The following RAPGEF4 variants were observed in gnomAD, a reference collection of about 807,000 sequenced individuals.
The protein encoded by RAPGEF4 is Rap guanine nucleotide exchange factor 4, also known as RAP guanine-nucleotide-exchange factor (GEF) 4.
Under a neutral mutation model 147.9 loss-of-function variants are expected in RAPGEF4, and 66 were observed. That is an observed-to-expected ratio of 0.45 (90% CI 0.37 to 0.55). RAPGEF4 has a LOEUF of 0.55. RAPGEF4 is among the 20% of genes least tolerant of loss of function. The pLI, the probability that RAPGEF4 is intolerant of heterozygous loss-of-function variation, is 0.00. For synonymous variants in RAPGEF4, 419 were observed against 442.7 expected (o/e 0.95, Z 0.67); for missense variants, 1,071 against 1,257.3 (o/e 0.85, Z 2.24).
chr2:172,985,413 T>G lies in RAPGEF4; in HGVS notation c.1090-20T>G, dbSNP rs997147425. 6.2e-7 allele frequency: 1 copy of G among 1,613,888 alleles called. No individual in the cohort carries two copies. Among genetic ancestry groups the G allele is most frequent in the Non-Finnish European group, 8.5e-7 (1 of 1,179,948 alleles). ...ACCTGGAAATGTGGCCTTTGCATGT[T>G]TCTTCTGTTTTTCTTCTAGGTGAAA... On this transcript the variant is annotated intron_variant, in intron 11 of 30. Coordinates refer to ENST00000397081, the MANE Select transcript of RAPGEF4 (RefSeq NM_007023.4).
chr2:172,947,655 G>A (rs1687805999), intron 6 of RAPGEF4, among the ~76,000 whole-genome samples: 1 of 152,150 alleles, frequency 6.6e-6, no homozygotes. Context: ...ATATGAGTAA[G>A]TGCTACTCAA....
intron 1 of RAPGEF4, among the ~76,000 whole-genome samples, chr2:172,743,134 C>T (rs1559017338): frequency 6.6e-6 from 1 of 152,148 alleles, no homozygotes; most frequent in Non-Finnish European, 1.5e-5. Flanking sequence ...TGTGCATCCT[C>T]AACAGTGGTC....
chr2:172,967,184 C>T lies in RAPGEF4; in HGVS notation c.821-77C>T, dbSNP rs1407195375. On this transcript the variant is annotated intron_variant, in intron 9 of 30. Transcript: ENST00000397081. Reference sequence around the variant, plus strand: ...TGCCACTTGGCCCTCCTGCCTGACACTCTGCATTTGTTTCTAGTAAACGGA... The same window carrying T: ...TGCCACTTGGCCCTCCTGCCTGACATTCTGCATTTGTTTCTAGTAAACGGA... The T allele has an allele frequency of 7.0e-6, 10 of 1,437,466 alleles. No homozygotes were observed. In the East Asian group the frequency reaches 2.1e-4, roughly 30 times the overall value. 89.0% of individuals were successfully genotyped at this position (1,437,466 alleles called of 1,614,324 possible).
At chr2:172,814,148 T>C in intron 3 of RAPGEF4, 131 bp from the exon 4 acceptor site, 2 of 900,200 alleles carry the variant, frequency 2.2e-6, no homozygotes, top group Non-Finnish European at 3.4e-6. Flanking sequence ...TATATATTTG[T>C]CAAGACTTGT....
intron 1 of RAPGEF4, among the ~76,000 whole-genome samples, chr2:172,764,577 A>AGTCC (rs1696653944): frequency 6.6e-6 from 1 of 152,192 alleles, no homozygotes; most frequent in African/African-American, 2.4e-5. Flanking sequence ...GGTAGCAGTG[A>AGTCC]GTCCAGATCC....
chr2:172,812,324 A>G (rs947899255), intron 3 of RAPGEF4, among the ~76,000 whole-genome samples: 16 of 152,250 alleles, frequency 1.1e-4, no homozygotes, highest in African/African-American at 3.4e-4. Flanking sequence ...TTTTCCCCTT[A>G]CAGAGGTGGT....
intron 6 of RAPGEF4, among the ~76,000 whole-genome samples, chr2:172,947,259 G>A (rs1024229578): frequency 1.3e-5 from 2 of 152,200 alleles, no homozygotes; most frequent in African/African-American, 4.8e-5. Flanking sequence ...GGTACAGCTA[G>A]TATTTAAATA....
At chr2:173,037,239 A>G (rs1159669334) in intron 29 of RAPGEF4, among the ~76,000 whole-genome samples, 1 of 152,110 alleles carries the variant, frequency 6.6e-6, no homozygotes, top group East Asian at 1.9e-4. Flanking sequence ...TTATTGTTGG[A>G]GACAGGGTCT....
In RAPGEF4 at chr2:172,826,737, C is replaced by A. The variant is rs183434965; in HGVS notation, c.444+12312C>A. On this transcript the variant is annotated intron_variant, in intron 4 of 30. Transcript: ENST00000397081. ...ATCCCAGCACTTTGGGAGGGTGATG[C>A]GAGCAGATTTCTTGAGCCTAGGAGT... is the stretch of plus-strand genomic sequence containing the variant. 3.3e-5 allele frequency among the ~76,000 whole-genome samples: 5 copies of A among 152,028 alleles called. No individual in the cohort carries two copies. The East Asian group carries it at 7.7e-4, about 23-fold the overall frequency.
chr2:172,954,830 A>C (rs1300024190), intron 6 of RAPGEF4, among the ~76,000 whole-genome samples: 1 of 152,214 alleles, frequency 6.6e-6, no homozygotes, highest in Non-Finnish European at 1.5e-5. Context: ...GGGGATTTGA[A>C]ATCCAAAATG....
intron 16 of RAPGEF4, among the ~76,000 whole-genome samples, chr2:172,999,859 A>C (rs1693724697): frequency 6.6e-6 from 1 of 152,190 alleles, no homozygotes; most frequent in Non-Finnish European, 1.5e-5. Flanking sequence ...GAGTTGCTAC[A>C]TGTGAGGAGA....
chr2:172,804,488 C>T (rs569991755), intron 3 of RAPGEF4, among the ~76,000 whole-genome samples: 1 of 152,294 alleles, frequency 6.6e-6, no homozygotes, highest in African/African-American at 2.4e-5. Flanking sequence ...GTTTGGGAAA[C>T]AGCTATGCTG....
chr2:172,893,563 A>T (rs993054601), intron 4 of RAPGEF4, among the ~76,000 whole-genome samples: 1 of 152,322 alleles, frequency 6.6e-6, no homozygotes, highest in South Asian at 2.1e-4. Flanking sequence ...AAAATATACT[A>T]TACTAACTTT....
At chr2:172,832,384 G>T (rs1559065217) in intron 4 of RAPGEF4, among the ~76,000 whole-genome samples, 1 of 152,154 alleles carries the variant, frequency 6.6e-6, no homozygotes, top group South Asian at 2.1e-4. Context: ...TAATTTGTGG[G>T]GCCCAGTGCG....
intron 4 of RAPGEF4, among the ~76,000 whole-genome samples, chr2:172,846,783 G>A (rs571922796): frequency 2.6e-5 from 4 of 152,302 alleles, no homozygotes; most frequent in Admixed American, 2.0e-4. Flanking sequence ...GGTCACAGGA[G>A]CAGACACATT....
chr2:172,772,641 G>A (rs2042563), intron 1 of RAPGEF4, among the ~76,000 whole-genome samples: 105,686 of 152,122 alleles, frequency 0.69, 38,574 homozygotes, highest in East Asian at 0.97. Flanking sequence ...ACCGCACCCA[G>A]CTAAAACATT....
At chr2:172,859,741 A>G (rs1693816793) in intron 4 of RAPGEF4, among the ~76,000 whole-genome samples, 1 of 152,214 alleles carries the variant, frequency 6.6e-6, no homozygotes, top group Admixed American at 6.5e-5. Flanking sequence ...CTGTTTTTAT[A>G]AATAGTGTCG....
chr2:172,920,399 T>C (rs982949280), intron 5 of RAPGEF4, among the ~76,000 whole-genome samples: 8 of 152,190 alleles, frequency 5.3e-5, no homozygotes, highest in Admixed American at 5.2e-4. Flanking sequence ...CATATTCAAA[T>C]GTTCCCAACC....
At chr2:172,949,545 A>C (rs1301967487) in intron 6 of RAPGEF4, among the ~76,000 whole-genome samples, 1 of 152,182 alleles carries the variant, frequency 6.6e-6, no homozygotes, top group Non-Finnish European at 1.5e-5. Context: ...ATCTTCAAAG[A>C]CCAAGGATGA....
Sources: allele counts gnomAD v4.1 joint callset (sites outside exome capture counted in the v4.1 genomes callset), GRCh38; gene constraint gnomAD v4.1.1; transcripts MANE v1.5; gene names NCBI Gene and HGNC (gene_info 2026-07-23, HGNC 2026-07-21).